The following CTNNA3 variants were observed in gnomAD, a reference collection of about 807,000 sequenced individuals.
CTNNA3 encodes catenin alpha 3, also known as catenin alpha-3.
Under a neutral mutation model 95.7 loss-of-function variants are expected in CTNNA3, and 76 were observed. That is an observed-to-expected ratio of 0.79 (90% CI 0.66 to 0.96). CTNNA3 has a LOEUF of 0.96. Ranked by LOEUF, CTNNA3 falls within the 40% of genes least tolerant of loss-of-function variation. CTNNA3 has a pLI of 0.00. For missense variants in CTNNA3, 1,191 were observed against 1,089.8 expected, an observed-to-expected ratio of 1.09 and a Z score of -1.31; for synonymous variants, 431 against 374.4, an observed-to-expected ratio of 1.15 and a Z score of -1.74.
rs181549211 is a variant in CTNNA3 at position 67,436,042 on chromosome 10, C to A, written c.579+85800G>T. ...GCAAGAGAAAGCAAAAAGAACAAAT[C>A]TGGACACATCACACTACCTGATTTC... On this transcript the variant is annotated intron_variant, in intron 5 of 17. Coordinates refer to ENST00000433211, the MANE Select transcript of CTNNA3 (RefSeq NM_013266.4). 2.6e-4 allele frequency among the ~76,000 whole-genome samples: 39 copies of A among 152,210 alleles called. No individual in the cohort carries two copies. In the East Asian group the frequency reaches 7.2e-3, roughly 28 times the overall value.
intron 1 of CTNNA3, among the ~76,000 whole-genome samples, chr10:67,727,654 T>C (rs1051950756): frequency 8.6e-5 from 11 of 127,670 alleles, no homozygotes; most frequent in Non-Finnish European, 1.7e-4. Flanking sequence ...TATTATATTA[T>C]ATATGATATA....
chr10:67,183,342 T>C (rs943231323), intron 6 of CTNNA3, among the ~76,000 whole-genome samples: 14 of 152,154 alleles, frequency 9.2e-5, no homozygotes, highest in African/African-American at 3.4e-4. Context: ...ATATACACCA[T>C]GGAATACTAT....
chr10:66,577,229 CT>C (rs775033450), intron 10 of CTNNA3, among the ~76,000 whole-genome samples: 3 of 151,772 alleles, frequency 2.0e-5, no homozygotes, highest in Admixed American at 6.6e-5. Flanking sequence ...GATAATAGGC[CT>C]TTGTCAGATG....
At chr10:67,078,012 TA>T (rs1856821658) in intron 7 of CTNNA3, among the ~76,000 whole-genome samples, 1 of 152,212 alleles carries the variant, frequency 6.6e-6, no homozygotes, top group African/African-American at 2.4e-5. Context: ...TTACTTTGGA[TA>T]ATTCTGAGCT....
chr10:66,354,019 A>G (rs1259693263), intron 12 of CTNNA3, among the ~76,000 whole-genome samples: 1 of 152,124 alleles, frequency 6.6e-6, no homozygotes, highest in East Asian at 1.9e-4. Context: ...GCAGCGGCTC[A>G]CGCCTGTAAT....
intron 10 of CTNNA3, among the ~76,000 whole-genome samples, chr10:66,603,010 C>T (rs1471862170): frequency 1.3e-5 from 2 of 152,038 alleles, no homozygotes; most frequent in African/African-American, 4.8e-5. Context: ...AAACTCTAAG[C>T]CTTTTCACTA....
intron 7 of CTNNA3, among the ~76,000 whole-genome samples, chr10:67,034,532 C>A (rs546909268): frequency 1.1e-4 from 16 of 152,162 alleles, no homozygotes; most frequent in Admixed American, 2.0e-4. Context: ...TCATTTCAAT[C>A]TCCTACCCTC....
intron 13 of CTNNA3, among the ~76,000 whole-genome samples, chr10:66,136,915 G>A (rs1015351381): frequency 2.0e-5 from 3 of 151,986 alleles, no homozygotes; most frequent in African/African-American, 7.3e-5. Flanking sequence ...TCCACCTCGT[G>A]GGTTCAAGCA....
At chr10:66,716,835 G>A (rs1037751093) in intron 9 of CTNNA3, among the ~76,000 whole-genome samples, 21 of 152,118 alleles carry the variant, frequency 1.4e-4, no homozygotes, top group African/African-American at 5.1e-4. Flanking sequence ...CCCGACTTTG[G>A]TCTATCAAAG....
intron 7 of CTNNA3, among the ~76,000 whole-genome samples, chr10:66,851,843 T>A (rs893798011): frequency 2.2e-4 from 33 of 152,280 alleles, no homozygotes; most frequent in African/African-American, 7.7e-4. Context: ...TTATTTTTTA[T>A]AGCAGTGCAA....
intron 13 of CTNNA3, among the ~76,000 whole-genome samples, chr10:66,239,867 G>A (rs530910683): frequency 2.0e-5 from 3 of 151,778 alleles, no homozygotes; most frequent in Admixed American, 1.3e-4. Context: ...AATGTGTTTA[G>A]TTTAAATTCC....
At chr10:66,983,259 C>T (rs557786202) in intron 7 of CTNNA3, among the ~76,000 whole-genome samples, 1 of 152,122 alleles carries the variant, frequency 6.6e-6, no homozygotes, top group Non-Finnish European at 1.5e-5. Context: ...CTAGCCCCCT[C>T]CCAGCCATGT....
chr10:66,967,318 A>G (rs190488456), intron 7 of CTNNA3, among the ~76,000 whole-genome samples: 1 of 150,388 alleles, frequency 6.6e-6, no homozygotes, highest in South Asian at 2.1e-4. Flanking sequence ...AGATAGATAT[A>G]GATATGGATA....
At chr10:66,766,078 T>C (rs1589230541) in intron 9 of CTNNA3, 186 bp downstream of exon 9, 1 of 467,330 alleles carries the variant, frequency 2.1e-6, no homozygotes, top group Admixed American at 3.4e-5. Context: ...GTTTAAAAAA[T>C]AAGACAAGCC....
intron 7 of CTNNA3, among the ~76,000 whole-genome samples, chr10:66,931,810 C>T (rs537687072): frequency 2.0e-5 from 3 of 152,202 alleles, no homozygotes; most frequent in East Asian, 3.9e-4. Context: ...AGATGAAAAG[C>T]GAGTAATAAC....
chr10:65,950,232 C>A (rs923680709), intron 17 of CTNNA3, among the ~76,000 whole-genome samples: 1 of 152,082 alleles, frequency 6.6e-6, no homozygotes, highest in South Asian at 2.1e-4. Flanking sequence ...TATTATGCAA[C>A]AACAAGCATA....
intron 3 of CTNNA3, among the ~76,000 whole-genome samples, chr10:67,599,617 G>GCA (rs1391616397): frequency 6.6e-6 from 1 of 152,110 alleles, no homozygotes; most frequent in African/African-American, 2.4e-5. Flanking sequence ...ACTGGAGAGG[G>GCA]CAGAAAGAAT....
chr10:66,097,983 C>G (rs1049940985), intron 14 of CTNNA3: 11 of 151,960 alleles, frequency 7.2e-5, no homozygotes, highest in Non-Finnish European at 1.3e-4. Context: ...CTATATGACC[C>G]TACTTGCCCA....
intron 9 of CTNNA3, among the ~76,000 whole-genome samples, chr10:66,718,015 G>C (rs184332739): frequency 2.0e-5 from 3 of 152,152 alleles, no homozygotes; most frequent in Admixed American, 1.3e-4. Flanking sequence ...AGAACCAAAA[G>C]GTCTTTTAAA....
Sources: gnomAD v4.1 joint callset for allele counts (sites outside exome capture counted in the v4.1 genomes callset) on GRCh38, gnomAD v4.1.1 for gene constraint, MANE v1.5 for transcripts, NCBI Gene and HGNC (gene_info 2026-07-23, HGNC 2026-07-21) for gene names.